Variants in FHIT observed in about 807,000 individuals in gnomAD.
FHIT encodes the protein bis(5'-adenosyl)-triphosphatase.
A neutral mutation model predicts 17.9 loss-of-function variants in FHIT; 19 were observed. That is an observed-to-expected ratio of 1.06 (90% CI 0.74 to 1.56). FHIT has a LOEUF of 1.56. Ranked by LOEUF, FHIT falls within the 40% of genes most tolerant of loss-of-function variation. FHIT has a pLI of 0.00. For synonymous variants in FHIT, 81 were observed against 69.7 expected (o/e 1.16, Z -0.81); for missense variants, 248 against 189.2 (o/e 1.31, Z -1.82).
chr3:60,988,946 T>TAAAAAA lies in FHIT; in HGVS notation c.-111+53095_-111+53100dup, dbSNP rs535898632. On this transcript the variant is annotated intron_variant, in intron 3 of 9. Transcript: ENST00000492590. ...TTTTTTCAAATGGCCATGGCTTTGT[T>TAAAAAA]AAAAAAAAAAAAAAAAAAAAAAAAA... Among the ~76,000 whole-genome samples, 69 of 34,334 alleles carry TAAAAAA rather than the reference T, an allele frequency of 2.0e-3. 2 individuals are homozygous for TAAAAAA. Among genetic ancestry groups the TAAAAAA allele is most frequent in the East Asian group, 4.0e-3 (5 of 1,258 alleles). 22.5% of individuals were successfully genotyped at this position (34,334 alleles called of 152,430 possible).
At chr3:60,721,700 G>A (rs911862556) in intron 4 of FHIT, among the ~76,000 whole-genome samples, 8 of 151,976 alleles carry the variant, frequency 5.3e-5, no homozygotes, top group African/African-American at 1.7e-4. Context: ...AGTCCTCCCC[G>A]AACTTCAGCC....
chr3:60,077,475 CA>C (rs1398270890), intron 5 of FHIT: 1 of 151,454 alleles, frequency 6.6e-6, no homozygotes, highest in Non-Finnish European at 1.5e-5. Flanking sequence ...TGGGACAGGA[CA>C]GGAACAAGAT....
At chr3:60,752,747 A>T (rs941043107) in intron 4 of FHIT, among the ~76,000 whole-genome samples, 1 of 152,198 alleles carries the variant, frequency 6.6e-6, no homozygotes, top group Non-Finnish European at 1.5e-5. Context: ...ACTTTTTAAG[A>T]AATCAGTCAC....
At chr3:61,151,718 C>T (rs905632845) in intron 2 of FHIT, among the ~76,000 whole-genome samples, 3 of 151,956 alleles carry the variant, frequency 2.0e-5, no homozygotes, top group Non-Finnish European at 2.9e-5. Context: ...CAGGCACATG[C>T]GGCCAAGCTT....
intron 7 of FHIT, among the ~76,000 whole-genome samples, chr3:59,953,531 A>G (rs1707233109): frequency 6.6e-6 from 1 of 152,168 alleles, no homozygotes. Context: ...ACACTTGCAG[A>G]CATATCTTTA....
intron 1 of FHIT, among the ~76,000 whole-genome samples, chr3:61,206,936 TATG>T (rs1308775526): frequency 1.3e-5 from 2 of 152,348 alleles, no homozygotes; most frequent in East Asian, 1.9e-4. Flanking sequence ...GTCCATTCAG[TATG>T]ATATTGGCTG....
At chr3:60,961,601 T>G (rs1709447684) in intron 3 of FHIT, among the ~76,000 whole-genome samples, 1 of 152,230 alleles carries the variant, frequency 6.6e-6, no homozygotes, top group Non-Finnish European at 1.5e-5. Flanking sequence ...GAATTAATTT[T>G]TGTATAGCGT....
intron 2 of FHIT, among the ~76,000 whole-genome samples, chr3:61,094,510 C>A (rs1166307135): frequency 6.6e-6 from 1 of 152,174 alleles, no homozygotes; most frequent in Non-Finnish European, 1.5e-5. Flanking sequence ...TGGTTATCCG[C>A]AGGACAGATG....
intron 5 of FHIT, among the ~76,000 whole-genome samples, chr3:60,133,332 T>C (rs1384765257): frequency 6.6e-6 from 1 of 152,054 alleles, no homozygotes; most frequent in Non-Finnish European, 1.5e-5. Context: ...GGAAACTGAG[T>C]AATAAAAGGC....
At chr3:61,223,677 G>A (rs2039895246) in intron 1 of FHIT, among the ~76,000 whole-genome samples, 1 of 152,190 alleles carries the variant, frequency 6.6e-6, no homozygotes, top group Non-Finnish European at 1.5e-5. Context: ...TTGCCAGATG[G>A]TGTATCTCAG....
chr3:60,061,553 G>C lies in FHIT; in HGVS notation c.104-47401C>G, dbSNP rs77500652. ...CATTTCGATTCCCTGTTTTGTCAGT[G>C]AGTAATTATAGCAAATAAAATATTG... On this transcript the variant is annotated intron_variant, in intron 5 of 9. Transcript: ENST00000492590. 5.9e-3 allele frequency among the ~76,000 whole-genome samples: 904 copies of C among 152,278 alleles called. 10 individuals are homozygous for C. The highest frequency in any genetic ancestry group is 0.02 in the African/African-American group (822 of 41,552).
chr3:60,640,860 A>G (rs1553685127), intron 4 of FHIT, among the ~76,000 whole-genome samples: 1 of 152,230 alleles, frequency 6.6e-6, no homozygotes, highest in Non-Finnish European at 1.5e-5. Context: ...ATAATTGAGT[A>G]GGATTTGCTT....
intron 5 of FHIT, among the ~76,000 whole-genome samples, chr3:60,368,522 T>G (rs6777599): frequency 0.39 from 59,509 of 151,814 alleles, 11,933 homozygotes; most frequent in Non-Finnish European, 0.44. Flanking sequence ...ATGAAGCATT[T>G]TAGAAATATA....
intron 3 of FHIT, among the ~76,000 whole-genome samples, chr3:61,016,918 T>C (rs2107636692): frequency 6.6e-6 from 1 of 152,332 alleles, no homozygotes; most frequent in Middle Eastern, 3.4e-3. Context: ...CCACAAAAGA[T>C]GACCTGTATA....
intron 3 of FHIT, among the ~76,000 whole-genome samples, chr3:60,933,850 C>T (rs1183108605): frequency 1.3e-5 from 2 of 152,084 alleles, no homozygotes; most frequent in African/African-American, 4.8e-5. Context: ...AGCCCTCAGG[C>T]ATAAGAGTAA....
At chr3:60,113,177 G>T (rs960529260) in intron 5 of FHIT, among the ~76,000 whole-genome samples, 1 of 152,106 alleles carries the variant, frequency 6.6e-6, no homozygotes, top group Non-Finnish European at 1.5e-5. Context: ...TTATTTGCCT[G>T]CTCCTTATCT....
intron 3 of FHIT, among the ~76,000 whole-genome samples, chr3:60,885,066 A>G (rs6790097): frequency 0.25 from 37,949 of 151,930 alleles, 5,413 homozygotes; most frequent in African/African-American, 0.38. Context: ...AGAGGGGTGA[A>G]GAGAGGTTGG....
chr3:60,709,793 C>T (rs562850552), intron 4 of FHIT, among the ~76,000 whole-genome samples: 7 of 152,246 alleles, frequency 4.6e-5, no homozygotes, highest in Admixed American at 3.3e-4. Flanking sequence ...TGCTTAGAAG[C>T]TTGAATTTTA....
chr3:60,081,280 C>A (rs1703272794), intron 5 of FHIT, among the ~76,000 whole-genome samples: 1 of 152,010 alleles, frequency 6.6e-6, no homozygotes, highest in Non-Finnish European at 1.5e-5. Flanking sequence ...GGTGGTTCTG[C>A]ATATTAAAAT....
Sources: gnomAD v4.1 joint callset for allele counts (sites outside exome capture counted in the v4.1 genomes callset) on GRCh38, gnomAD v4.1.1 for gene constraint, MANE v1.5 for transcripts, NCBI Gene and HGNC (gene_info 2026-07-23, HGNC 2026-07-21) for gene names.